Variants in MEF2C observed in about 807,000 individuals in gnomAD.
The protein encoded by MEF2C is myocyte-specific enhancer factor 2C.
In MEF2C, 6 loss-of-function variants were observed where a neutral mutation model predicts 50.5. That is an observed-to-expected ratio of 0.12 (90% confidence interval 0.07 to 0.23). The LOEUF is 0.23. MEF2C is among the 10% of genes least tolerant of loss of function. The pLI, the probability that MEF2C is intolerant of heterozygous loss-of-function variation, is 1.00. For synonymous variants in MEF2C, 183 were observed against 228.0 expected, an observed-to-expected ratio of 0.80 and a Z score of 1.78; for missense variants, 276 against 605.0, an observed-to-expected ratio of 0.46 and a Z score of 5.70.
At chr5:88,733,298 G>C in intron 6 of MEF2C, 2 of 985,344 alleles carry the variant, frequency 2.0e-6, no homozygotes, top group Non-Finnish European at 2.4e-6. Context: ...AACCTGTTTA[G>C]AAGGGGACCC....
chr5:88,758,796 C>T (rs143118465), intron 4 of MEF2C, among the ~76,000 whole-genome samples: 1 of 152,304 alleles, frequency 6.6e-6, no homozygotes, highest in Non-Finnish European at 1.5e-5. Flanking sequence ...TGCCCGTAAA[C>T]TCTAATGTGG....
In MEF2C at chr5:88,730,298, C is replaced by A. The variant is rs1760885560; in HGVS notation, c.811-64G>T. 5 of 1,525,700 alleles carry A rather than the reference C, an allele frequency of 3.3e-6. No homozygotes were observed. In the South Asian group the frequency reaches 6.0e-5, roughly 18 times the overall value. 94.5% of individuals were successfully genotyped at this position (1,525,700 alleles called of 1,614,324 possible). ...GTAAATATTTATAATTGGGCAAAAT[C>A]TTTTCAACAAAAGGAAAAGCATCTT... On this transcript the variant is annotated intron_variant, in intron 7 of 10. Transcript: ENST00000504921.
chr5:88,766,476 C>T (rs1463435463), intron 3 of MEF2C, among the ~76,000 whole-genome samples: 6 of 151,912 alleles, frequency 3.9e-5, no homozygotes, highest in East Asian at 3.8e-4. Context: ...TGACCTTTTT[C>T]GATTATATGA....
intron 3 of MEF2C, among the ~76,000 whole-genome samples, chr5:88,801,224 T>A (rs1798178778): frequency 1.3e-5 from 2 of 152,150 alleles, no homozygotes; most frequent in South Asian, 2.1e-4. Flanking sequence ...ATGGTCCAAA[T>A]GGGAAATATA....
At chr5:88,837,176 G>C (rs1815493864) in intron 1 of MEF2C, among the ~76,000 whole-genome samples, 1 of 152,040 alleles carries the variant, frequency 6.6e-6, no homozygotes, top group Non-Finnish European at 1.5e-5. Flanking sequence ...AAAATAACAA[G>C]CTTCTTCCCA....
intron 1 of MEF2C, among the ~76,000 whole-genome samples, chr5:88,864,798 G>A (rs996204187): frequency 1.4e-5 from 2 of 146,852 alleles, no homozygotes; most frequent in Non-Finnish European, 3.0e-5. Flanking sequence ...ATGGAGTTTC[G>A]CTCTGTCGCC....
chr5:88,740,416 G>A (rs1766092409), intron 6 of MEF2C: 1 of 985,180 alleles, frequency 1.0e-6, no homozygotes, highest in African/African-American at 1.7e-5. Flanking sequence ...GTAGGTTTGT[G>A]TTGGCGAACA....
At position 88,729,268 on chromosome 5, in the gene MEF2C, C is replaced by T. The variant is rs1315101427; in HGVS notation, c.914G>A (p.Gly305Glu). Residue 305 changes from glycine (G) to glutamate (E), a missense_variant, in exon 9 of 11, where the codon GGA becomes GAA. Gly to Glu is a moderately conservative substitution (Grantham distance 98, BLOSUM62 -2). Transcript: ENST00000504921. The stretch of plus-strand genomic sequence containing the variant: ...TGATGGATATCCTCCCATTCCTTGT[C>T]CTGGTAAAGTAGGAGTTGCTACGGA... ...VVSVATPTLP[G>E]QGMGGYPSAI... 6.2e-7 allele frequency: 1 copy of T among 1,613,170 alleles called. No individual in the cohort carries two copies. The highest frequency in any genetic ancestry group is 8.5e-7 in the Non-Finnish European group (1 of 1,179,438).
At chr5:88,863,492 G>A (rs775168282) in intron 1 of MEF2C, among the ~76,000 whole-genome samples, 11 of 152,206 alleles carry the variant, frequency 7.2e-5, no homozygotes, top group Non-Finnish European at 1.5e-4. Context: ...GGATTTGTAT[G>A]CCCAAGTTCA....
intron 10 of MEF2C, among the ~76,000 whole-genome samples, chr5:88,723,197 G>A (rs1757002038): frequency 6.6e-6 from 1 of 152,080 alleles, no homozygotes; most frequent in Non-Finnish European, 1.5e-5. Flanking sequence ...AAACATATAG[G>A]TTACCATTTC....
At chr5:88,876,281 G>A (rs1202479610) in intron 1 of MEF2C, among the ~76,000 whole-genome samples, 1 of 151,888 alleles carries the variant, frequency 6.6e-6, no homozygotes, top group Non-Finnish European at 1.5e-5. Context: ...TTCTGTGTGT[G>A]TGTGTTCATT....
At chr5:88,801,701 T>A (rs1798449250) in intron 3 of MEF2C, among the ~76,000 whole-genome samples, 1 of 152,086 alleles carries the variant, frequency 6.6e-6, no homozygotes, top group Non-Finnish European at 1.5e-5. Context: ...TTAGCCCCGA[T>A]GATCTTGATC....
intron 1 of MEF2C, among the ~76,000 whole-genome samples, chr5:88,893,354 A>G (rs906908420): frequency 1.3e-5 from 2 of 148,616 alleles, no homozygotes; most frequent in Non-Finnish European, 3.0e-5. Flanking sequence ...TCTGTTGCCC[A>G]GGCTGGAGTG....
intron 6 of MEF2C, chr5:88,734,604 T>C (rs1763332406): frequency 1.6e-6 from 1 of 612,432 alleles, no homozygotes; most frequent in Admixed American, 7.9e-5. Flanking sequence ...TTTTTAGCAT[T>C]TTCTACAGTA....
At chr5:88,776,283 T>TA (rs1784707318) in intron 3 of MEF2C, among the ~76,000 whole-genome samples, 2 of 152,250 alleles carry the variant, frequency 1.3e-5, no homozygotes, top group Admixed American at 1.3e-4. Context: ...GTTATGTGTA[T>TA]ACAATGTGGC....
intron 3 of MEF2C, among the ~76,000 whole-genome samples, chr5:88,793,652 T>C (rs1475993261): frequency 1.3e-5 from 2 of 152,114 alleles, no homozygotes; most frequent in African/African-American, 2.4e-5. Flanking sequence ...TTTGTACATA[T>C]ATATTTATTT....
intron 6 of MEF2C, chr5:88,746,414 G>A: frequency 1.6e-6 from 1 of 617,600 alleles, no homozygotes; most frequent in Non-Finnish European, 2.0e-6. Flanking sequence ...TTACTTCCTT[G>A]CCTCATGAGA....
chr5:88,744,667 C>G (rs1394725639), intron 6 of MEF2C, among the ~76,000 whole-genome samples: 1 of 152,144 alleles, frequency 6.6e-6, no homozygotes, highest in Non-Finnish European at 1.5e-5. Flanking sequence ...TCAACTGAAA[C>G]CTTAGAAAAG....
chr5:88,823,623 C>T (rs887912625), intron 2 of MEF2C, 112 bp downstream of exon 2: 2 of 1,030,572 alleles, frequency 1.9e-6, no homozygotes, highest in Admixed American at 2.4e-5. Flanking sequence ...TTAATTAACC[C>T]AAACTTCTCT....
Sources: allele counts gnomAD v4.1 joint callset (sites outside exome capture counted in the v4.1 genomes callset), GRCh38; gene constraint gnomAD v4.1.1; transcripts MANE v1.5; gene names NCBI Gene and HGNC (gene_info 2026-07-23, HGNC 2026-07-21).